TLN1: variants seen among roughly 807,000 people sequenced by gnomAD.
The protein encoded by TLN1 is talin-1.
TLN1 carries 56 observed loss-of-function variants against 292.3 expected under a neutral mutation model. The observed-to-expected ratio is 0.19, with a 90% CI of 0.15 to 0.24. The LOEUF is 0.24. Among genes scored for constraint, TLN1 ranks in the 10% least tolerant of loss-of-function variants. The probability of loss-of-function intolerance (pLI) is 1.00; values close to 1 mark genes in which losing one functional copy is unlikely to be tolerated. For missense variants in TLN1, 2,433 were observed against 3,248.2 expected (o/e 0.75, Z 6.10); for synonymous variants, 1,119 against 1,253.7 (o/e 0.89, Z 2.27).
At position 35,724,035 on chromosome 9, in the gene TLN1, G is replaced by A. The variant is rs761930326; in HGVS notation, c.699C>T (p.Asp233=). The A allele has an allele frequency of 3.7e-6, 6 of 1,613,918 alleles. No homozygotes were observed. In the African/African-American group the frequency reaches 6.7e-5, roughly 18 times the overall value. Residue 233 remains aspartate, a synonymous_variant, in exon 7 of 57, where the codon GAC becomes GAT. Coordinates refer to ENST00000314888, the MANE Select transcript of TLN1 (RefSeq NM_006289.4). The surrounding 1 kb of genome is among the most constrained non-coding windows in gnomAD (Gnocchi z 4.7). ...ILNGSHPVSF[D]KACEFAGFQC... ...GGAAGCCAGCAAACTCACAGGCCTT[G>A]TCAAAGGAGACAGGGTGGGAGCCAT... is the stretch of plus-strand genomic sequence containing the variant.
intron 7 of TLN1, 197 bp from the exon 8 acceptor site, chr9:35,723,118 T>C: frequency 2.2e-6 from 1 of 453,070 alleles, no homozygotes; most frequent in Non-Finnish European, 4.0e-6. Context: ...TTTTTTTTTT[T>C]GAGATGGAGT....
Position 35,707,343 on chromosome 9 carries a change from C to G in TLN1, c.4773+5G>C. 1 of 1,613,554 alleles carries G rather than the reference C, an allele frequency of 6.2e-7. No homozygotes were observed. The highest frequency in any genetic ancestry group is 8.5e-7 in the Non-Finnish European group (1 of 1,179,548). On this transcript the variant is annotated splice_donor_5th_base_variant and intron_variant, in intron 36 of 56. Transcript: ENST00000314888. The surrounding 1 kb of genome is among the most constrained non-coding windows in gnomAD (Gnocchi z 5.6). ...CCCATCAGTTCCCCCTTCACATCGCCTCACCTCAGGGCTGATCTGGGCAGG... is the reference window on the plus strand; with the variant it reads ...CCCATCAGTTCCCCCTTCACATCGCGTCACCTCAGGGCTGATCTGGGCAGG...
In TLN1 at chr9:35,724,797, G is replaced by A. The variant is rs1825940120; in HGVS notation, c.358+33C>T. 1 of 1,613,608 alleles carries A rather than the reference G, an allele frequency of 6.2e-7. No individual in the cohort carries two copies. The highest frequency in any genetic ancestry group is 8.5e-7 in the Non-Finnish European group (1 of 1,179,712). On this transcript the variant is annotated intron_variant, in intron 4 of 56. Transcript: ENST00000314888. The surrounding 1 kb of genome is among the most constrained non-coding windows in gnomAD (Gnocchi z 4.7). ...CTTTTGAGAGAGTTGAGGCTTTCTG[G>A]CCCAGGCTTTCAACTGTACTAGGGC...
At position 35,725,277 on chromosome 9, in the gene TLN1, C is replaced by T; in HGVS notation, c.175G>A (p.Gly59Ser). Residue 59 changes from glycine (G) to serine (S), a missense_variant, in exon 3 of 57, where the codon GGT becomes AGT. Gly to Ser is a moderately conservative substitution (Grantham distance 56). This residue lies in a region of TLN1 where 155 missense variants were observed against 287.9 expected (regional missense o/e 0.54). Transcript: ENST00000314888. ...LFLSDDDPKKGIWLEAGKALD... is the reference protein window; with the variant it reads ...LFLSDDDPKKSIWLEAGKALD... The stretch of plus-strand genomic sequence containing the variant: ...GCTTTCCCAGCCTCCAGCCATATAC[C>T]CTTTTTGGGGTCATCATCTGACAGA... The T allele has an allele frequency of 1.2e-6, 2 of 1,614,038 alleles. No individual in the cohort carries two copies. Among genetic ancestry groups the T allele is most frequent in the Non-Finnish European group, 1.7e-6 (2 of 1,180,016 alleles).
At chr9:35,709,886 C>CAAAAA (rs546437173) in intron 33 of TLN1, among the ~76,000 whole-genome samples, 8 of 12,860 alleles carry the variant, frequency 6.2e-4, no homozygotes, top group African/African-American at 1.9e-3. Flanking sequence ...AACTCGGTCT[C>CAAAAA]AAAAAAAAAA....
At position 35,704,229 on chromosome 9, in the gene TLN1, G is replaced by A. The variant is rs1000858017; in HGVS notation, c.6048-55C>T. The A allele has an allele frequency of 4.6e-5, 72 of 1,569,434 alleles. No individual in the cohort carries two copies. The highest frequency in any genetic ancestry group is 6.0e-5 in the Non-Finnish European group (69 of 1,156,202). On this transcript the variant is annotated intron_variant, in intron 45 of 56. Transcript: ENST00000314888. This position sits in a 1 kb window ranked among gnomAD's most constrained non-coding sequence, Gnocchi z 6.9. The stretch of plus-strand genomic sequence containing the variant: ...CCCCTACCCGCTCCAGCCCGTCCAA[G>A]GTGCCTGGTCCAGGTCTTCCCCATT...
In TLN1 at chr9:35,720,436, T is replaced by C. The variant is rs776494903; in HGVS notation, c.1280A>G (p.Lys427Arg). ...STMLEDSVSP[K>R]KSTVLQQQYN... The stretch of plus-strand genomic sequence containing the variant: ...ATCAGCCCAACTCCCTTCGTACTTT[T>C]TGGGGGACACTGAGTCCTCCAGCAT... Residue 427 changes from lysine to arginine, a missense_variant, in exon 12 of 57, where the codon AAA becomes AGA. By Grantham distance (26) the Lys-to-Arg change is conservative. Coordinates refer to ENST00000314888, the MANE Select transcript of TLN1 (RefSeq NM_006289.4). 4 of 1,613,934 alleles carry C rather than the reference T, an allele frequency of 2.5e-6. No individual in the cohort carries two copies. Among genetic ancestry groups the C allele is most frequent in the African/African-American group, 1.3e-5 (1 of 74,902 alleles).
At position 35,716,268 on chromosome 9, in the gene TLN1, A is replaced by G. The variant is rs1052650631; in HGVS notation, c.2625+122T>C. On this transcript the variant is annotated intron_variant, in intron 20 of 56. Transcript: ENST00000314888. Reference sequence around the variant, plus strand: ...GCTCATTCATTTCCTGAGTGCTCCTATATTTGTCCTCTTGTGTTTTCTGCT... The same window carrying G: ...GCTCATTCATTTCCTGAGTGCTCCTGTATTTGTCCTCTTGTGTTTTCTGCT... 3.6e-5 allele frequency: 41 copies of G among 1,129,844 alleles called. No homozygotes were observed. The East Asian group carries it at 7.7e-4, about 21-fold the overall frequency. 70.0% of individuals were successfully genotyped at this position (1,129,844 alleles called of 1,614,324 possible).
chr9:35,720,839 G>A lies in TLN1; in HGVS notation c.1179C>T (p.Ala393=), dbSNP rs749192861. The change falls in exon 11 of 57, where the codon GCC becomes GCT. Residue 393 remains alanine (A), a synonymous_variant. Transcript: ENST00000314888. ...TEGEQIAQLI[A]GYIDIILKKK... Reference sequence around the variant, plus strand: ...TCTTCAGGATGATATCGATGTAGCCGGCAATGAGCTGTGCAATCTGCTCCC... The same window carrying A: ...TCTTCAGGATGATATCGATGTAGCCAGCAATGAGCTGTGCAATCTGCTCCC... 13 of 1,614,044 alleles carry A rather than the reference G, an allele frequency of 8.1e-6. No individual in the cohort carries two copies. The highest frequency in any genetic ancestry group is 5.5e-5 in the South Asian group (5 of 91,080).
chr9:35,714,860 G>T lies in TLN1; in HGVS notation c.2771C>A (p.Ala924Asp). 6.4e-7 allele frequency: 1 copy of T among 1,571,114 alleles called. No homozygotes were observed. Among genetic ancestry groups the T allele is most frequent in the Non-Finnish European group, 8.6e-7 (1 of 1,158,310 alleles). ...GATGGTCTGTGTGGCTGAGGCTGCA[G>T]CCTGCTTGGCTGCATGCTGTGAAGA... Reference protein sequence around the residue: ...VQRLEHAAKQAAASATQTIAA... With the variant: ...VQRLEHAAKQDAASATQTIAA... The change falls in exon 22 of 57, where the codon GCT (alanine) becomes GAT (aspartate). Residue 924 changes from alanine to aspartate, a missense_variant. Ala to Asp is a moderately radical substitution (Grantham distance 126). Around this residue, in one of 7 missense-constraint regions of TLN1, gnomAD observed 617 missense variants for 770.6 expected, o/e 0.80. Coordinates refer to ENST00000314888, the MANE Select transcript of TLN1 (RefSeq NM_006289.4). The surrounding 1 kb of genome is among the most constrained non-coding windows in gnomAD (Gnocchi z 4.6).
In TLN1 at chr9:35,720,040, AGAG is replaced by A; in HGVS notation, c.1460_1462del (p.Pro487del). The A allele has an allele frequency of 1.3e-6, 2 of 1,584,432 alleles. No individual in the cohort carries two copies. The highest frequency in any genetic ancestry group is 1.7e-6 in the Non-Finnish European group (2 of 1,165,078). On this transcript the variant is annotated inframe_deletion and splice_region_variant, in exon 13 of 57. Coordinates refer to ENST00000314888, the MANE Select transcript of TLN1 (RefSeq NM_006289.4). ...CCGTGGTGGAAGTGGGACACTTACC[AGAG>A]GAGGCATGTGTCCTCGGTGCATCTG...
At chr9:35,728,527 T>G (rs568291390) in intron 1 of TLN1, among the ~76,000 whole-genome samples, 33 of 151,984 alleles carry the variant, frequency 2.2e-4, no homozygotes, top group African/African-American at 7.5e-4. Flanking sequence ...AAATGCACAC[T>G]CATTCTCCCC....
At chr9:35,731,892 G>A (rs1002799588) in intron 1 of TLN1, among the ~76,000 whole-genome samples, 183 bp downstream of exon 1, 1 of 152,002 alleles carries the variant, frequency 6.6e-6, no homozygotes, top group Non-Finnish European at 1.5e-5. Context: ...CTGCTCCCAG[G>A]AAAGGCCTGT....
Position 35,711,993 on chromosome 9 carries a change from C to A in TLN1, c.3681+12G>T. The A allele has an allele frequency of 2.5e-6, 4 of 1,613,174 alleles. No homozygotes were observed. Among genetic ancestry groups the A allele is most frequent in the Non-Finnish European group, 3.4e-6 (4 of 1,179,742 alleles). On this transcript the variant is annotated intron_variant, in intron 28 of 56. Transcript: ENST00000314888. ...GACTCCTACGTTCCCCCACCCCCTA[C>A]CGTCCTCCTACCGAGTCACTCAGGA...
In TLN1 at chr9:35,697,769, G is replaced by C; in HGVS notation, c.*22C>G. ...CACGCACAGTCTCTGGGCCGGGTCT[G>C]CATTAAATAGAAGAGGCTTCTTTAG... On this transcript the variant is annotated 3_prime_UTR_variant, in exon 57 of 57. Transcript: ENST00000314888. The C allele has an allele frequency of 6.2e-7, 1 of 1,613,424 alleles. No individual in the cohort carries two copies. The highest frequency in any genetic ancestry group is 8.5e-7 in the Non-Finnish European group (1 of 1,179,790).
Position 35,707,194 on chromosome 9 carries a change from C to T in TLN1, c.4833G>A (p.Gly1611=), listed in dbSNP as rs372264868. The change falls in exon 37 of 57, where the codon GGG becomes GGA. Residue 1611 remains glycine, a synonymous_variant. Transcript: ENST00000314888. The surrounding 1 kb of genome is among the most constrained non-coding windows in gnomAD (Gnocchi z 5.6). ...GGGCCCGGGCTGTCTGGATGAGTCC[C>T]CCGGCACTCTCTAACATTGTCTTGG... ...ISAKTMLESA[G]GLIQTARALA... 1 of 1,608,792 alleles carries T rather than the reference C, an allele frequency of 6.2e-7. No homozygotes were observed. Among genetic ancestry groups the T allele is most frequent in the East Asian group, 2.2e-5 (1 of 44,854 alleles).
At chr9:35,728,002 C>T (rs1313048053) in intron 1 of TLN1, among the ~76,000 whole-genome samples, 1 of 152,176 alleles carries the variant, frequency 6.6e-6, no homozygotes, top group Non-Finnish European at 1.5e-5. Context: ...GCTCATTCCT[C>T]CTTTGGCCTG....
chr9:35,714,503 C>T lies in TLN1; in HGVS notation c.2985+71G>A. On this transcript the variant is annotated intron_variant, in intron 23 of 56. Transcript: ENST00000314888. This position sits in a 1 kb window ranked among gnomAD's most constrained non-coding sequence, Gnocchi z 4.6. Reference sequence around the variant, plus strand: ...GGGAAAGAGGCTCTTGGCAGAGATTCAAACTGTGGGAGATGGAAGCTTAGA... The same window carrying T: ...GGGAAAGAGGCTCTTGGCAGAGATTTAAACTGTGGGAGATGGAAGCTTAGA... 6.3e-7 allele frequency: 1 copy of T among 1,589,438 alleles called. No individual in the cohort carries two copies. The highest frequency in any genetic ancestry group is 1.1e-5 in the South Asian group (1 of 90,054).
rs1825664154 is a variant in TLN1 at position 35,711,313 on chromosome 9, C to A, written c.3961G>T (p.Ala1321Ser). 1.2e-6 allele frequency: 2 copies of A among 1,614,038 alleles called. No individual in the cohort carries two copies. Among genetic ancestry groups the A allele is most frequent in the Non-Finnish European group, 8.5e-7 (1 of 1,180,046 alleles). Reference sequence around the variant, plus strand: ...GGGGCAGCAGGGTCCGTGGACAGGGCCTTGGCAGCCAGAAGAAGTTTGCTT... The same window carrying A: ...GGGGCAGCAGGGTCCGTGGACAGGGACTTGGCAGCCAGAAGAAGTTTGCTT... ...SSSKLLLAAK[A>S]LSTDPAAPNL... Residue 1321 changes from alanine (A) to serine (S), a missense_variant, in exon 30 of 57, where the codon GCC becomes TCC. Physicochemically the swap from Ala to Ser is moderately conservative, Grantham distance 99. This residue lies in a region of TLN1 where 1,384 missense variants were observed against 1,699.6 expected (regional missense o/e 0.81). Coordinates refer to ENST00000314888, the MANE Select transcript of TLN1 (RefSeq NM_006289.4).
Sources: allele counts gnomAD v4.1 joint callset (sites outside exome capture counted in the v4.1 genomes callset), GRCh38; gene constraint gnomAD v4.1.1; regional missense constraint gnomAD v4.1.1; non-coding constraint Gnocchi (gnomAD v3.1); transcripts MANE v1.5; gene names NCBI Gene and HGNC (gene_info 2026-07-23, HGNC 2026-07-21).